The following NRXN1 variants were observed in gnomAD, a reference collection of about 807,000 sequenced individuals.
The protein encoded by NRXN1 is neurexin-1.
NRXN1 carries 39 observed loss-of-function variants against 150.9 expected under a neutral mutation model. The observed-to-expected ratio is 0.26, with a 90% CI of 0.20 to 0.34. NRXN1 has a LOEUF of 0.34. Ranked by LOEUF, NRXN1 falls within the 10% of genes least tolerant of loss-of-function variation. The probability of loss-of-function intolerance (pLI) is 1.00; values close to 1 mark genes in which losing one functional copy is unlikely to be tolerated. For missense variants in NRXN1, 1,815 were observed against 1,949.9 expected (o/e 0.93, Z 1.30); for synonymous variants, 924 against 757.0 (o/e 1.22, Z -3.62).
intron 17 of NRXN1, among the ~76,000 whole-genome samples, chr2:50,457,891 G>A (rs935073216): frequency 6.6e-6 from 1 of 152,094 alleles, no homozygotes; most frequent in African/African-American, 2.4e-5. Flanking sequence ...GTGGAAATGT[G>A]AATTAGTACA....
chr2:50,973,211 G>A (rs1002739264), intron 2 of NRXN1, among the ~76,000 whole-genome samples: 5 of 152,070 alleles, frequency 3.3e-5, no homozygotes, highest in Non-Finnish European at 5.9e-5. Context: ...AAGTGGCCAG[G>A]GATGCAATCA....
At chr2:50,581,579 A>G (rs1672267931) in intron 8 of NRXN1, among the ~76,000 whole-genome samples, 1 of 152,156 alleles carries the variant, frequency 6.6e-6, no homozygotes, top group Non-Finnish European at 1.5e-5. Flanking sequence ...TTTCTGTGAT[A>G]ATTTTTATTA....
intron 17 of NRXN1, among the ~76,000 whole-genome samples, chr2:50,256,596 A>C (rs943805809): frequency 6.6e-6 from 1 of 152,048 alleles, no homozygotes; most frequent in African/African-American, 2.4e-5. Flanking sequence ...CTTTCCATTT[A>C]TTCCTGAGTT....
chr2:49,977,992 T>G (rs2152503837), intron 21 of NRXN1, among the ~76,000 whole-genome samples: 1 of 152,140 alleles, frequency 6.6e-6, no homozygotes, highest in East Asian at 1.9e-4. Flanking sequence ...TGAAACCCTG[T>G]CTCTACTAAA....
At position 50,170,417 on chromosome 2, in the gene NRXN1, T is replaced by A. The variant is rs186235488; in HGVS notation, c.3546+66372A>T. ...TTCAAGCAATTCTCCTACCTCAGCA[T>A]CCTGAGTAGCTGGGACTACAGGTGT... On this transcript the variant is annotated intron_variant, in intron 18 of 22. Coordinates refer to ENST00000401669, the MANE Select transcript of NRXN1 (RefSeq NM_001330078.2). 1.2e-4 allele frequency among the ~76,000 whole-genome samples: 19 copies of A among 152,244 alleles called. No individual in the cohort carries two copies. The East Asian group carries it at 3.7e-3, about 29-fold the overall frequency.
chr2:50,213,994 T>C (rs940847365), intron 18 of NRXN1, among the ~76,000 whole-genome samples: 1 of 151,986 alleles, frequency 6.6e-6, no homozygotes, highest in Non-Finnish European at 1.5e-5. Flanking sequence ...AAGTTTATGC[T>C]GATTACTAAA....
In NRXN1 at chr2:50,199,900, A is replaced by G. The variant is rs534889275; in HGVS notation, c.3546+36889T>C. Among the ~76,000 whole-genome samples the G allele has an allele frequency of 2.2e-4, 34 of 152,280 alleles. 2 individuals carry two copies. In the South Asian group the frequency reaches 6.8e-3, roughly 31 times the overall value. On this transcript the variant is annotated intron_variant, in intron 18 of 22. Coordinates refer to ENST00000401669, the MANE Select transcript of NRXN1 (RefSeq NM_001330078.2). ...AGTGGAAAATTCATCCTAGAAAATCAGATATATAGAACACTACAATTTTAT... is the reference window on the plus strand; with the variant it reads ...AGTGGAAAATTCATCCTAGAAAATCGGATATATAGAACACTACAATTTTAT...
At chr2:50,283,134 A>G (rs7592364) in intron 17 of NRXN1, among the ~76,000 whole-genome samples, 44,402 of 152,040 alleles carry the variant, frequency 0.29, 6,755 homozygotes, top group East Asian at 0.38. Context: ...CACAGTAGGA[A>G]TGAATCAAGT....
At position 50,689,854 on chromosome 2, in the gene NRXN1, TTGTG is replaced by T. The variant is rs796892350; in HGVS notation, c.833-66243_833-66240del. On this transcript the variant is annotated intron_variant, in intron 5 of 22. Coordinates refer to ENST00000401669, the MANE Select transcript of NRXN1 (RefSeq NM_001330078.2). ...CATCAGCTTGTTTTTTTTTGCTTATTTGTGTGTGTGTGTGTGTGTGTGTGTGTGT... is the reference window on the plus strand; with the variant it reads ...CATCAGCTTGTTTTTTTTTGCTTATTTGTGTGTGTGTGTGTGTGTGTGTGT... Among the ~76,000 whole-genome samples, 12,145 of 135,208 alleles carry T rather than the reference TTGTG, an allele frequency of 0.09. 860 individuals carry two copies. The highest frequency in any genetic ancestry group is 0.2 in the African/African-American group (7,434 of 36,288). The allele number at this position is 135,208 out of a possible 152,430, so 88.7% of individuals were successfully genotyped here.
chr2:50,182,148 A>G (rs1242598764), intron 18 of NRXN1, among the ~76,000 whole-genome samples: 2 of 148,650 alleles, frequency 1.3e-5, no homozygotes, highest in Non-Finnish European at 3.0e-5. Flanking sequence ...TATCAAAACC[A>G]TATAGCTATT....
At chr2:50,647,201 C>A (rs1215583520) in intron 5 of NRXN1, among the ~76,000 whole-genome samples, 1 of 151,638 alleles carries the variant, frequency 6.6e-6, no homozygotes, top group African/African-American at 2.4e-5. Context: ...AGAAAAAAAG[C>A]GGAAACTTAC....
chr2:50,173,000 C>T (rs1338095761), intron 18 of NRXN1, among the ~76,000 whole-genome samples: 1 of 152,094 alleles, frequency 6.6e-6, no homozygotes, highest in Non-Finnish European at 1.5e-5. Context: ...AATGAAATTA[C>T]TTGCCTCCTT....
chr2:50,615,969 C>T (rs1190892919), intron 8 of NRXN1: 1 of 152,078 alleles, frequency 6.6e-6, no homozygotes, highest in Non-Finnish European at 1.5e-5. Flanking sequence ...AACAGTGTTG[C>T]CTTTGCAAAA....
At chr2:50,220,418 G>A (rs974194549) in intron 18 of NRXN1, among the ~76,000 whole-genome samples, 6 of 151,900 alleles carry the variant, frequency 3.9e-5, no homozygotes, top group African/African-American at 1.4e-4. Flanking sequence ...ATTCTGAAAA[G>A]ATGCAGAATG....
At chr2:50,267,069 C>G (rs980017055) in intron 17 of NRXN1, among the ~76,000 whole-genome samples, 44 of 152,250 alleles carry the variant, frequency 2.9e-4, no homozygotes, top group African/African-American at 1.0e-3. Flanking sequence ...TACTGTGATT[C>G]TGTTTTTCTG....
chr2:50,495,639 A>G (rs576045876), intron 15 of NRXN1, among the ~76,000 whole-genome samples: 15 of 152,270 alleles, frequency 9.9e-5, no homozygotes, highest in African/African-American at 3.6e-4. Flanking sequence ...ATCAAGACCA[A>G]TATTATATTT....
At chr2:50,896,354 G>C (rs1046987510) in intron 5 of NRXN1, among the ~76,000 whole-genome samples, 3 of 152,200 alleles carry the variant, frequency 2.0e-5, no homozygotes, top group Non-Finnish European at 4.4e-5. Flanking sequence ...GGATAAATCA[G>C]ATAACAGCAC....
At chr2:50,197,626 T>C (rs1273455378) in intron 18 of NRXN1, among the ~76,000 whole-genome samples, 2 of 152,138 alleles carry the variant, frequency 1.3e-5, no homozygotes, top group African/African-American at 4.8e-5. Flanking sequence ...ATAACTTCCT[T>C]CTAGAGATGA....
chr2:50,307,374 CT>C (rs1394217354), intron 17 of NRXN1, among the ~76,000 whole-genome samples: 1 of 152,080 alleles, frequency 6.6e-6, no homozygotes, highest in African/African-American at 2.4e-5. Context: ...AGGAGCTTAA[CT>C]TTTTGTAGGG....
Sources: gnomAD v4.1 joint callset for allele counts (sites outside exome capture counted in the v4.1 genomes callset) on GRCh38, gnomAD v4.1.1 for gene constraint, MANE v1.5 for transcripts, NCBI Gene and HGNC (gene_info 2026-07-23, HGNC 2026-07-21) for gene names.